Variants in NFYB observed in about 807,000 individuals in gnomAD.
The protein encoded by NFYB is CAAT box DNA-binding protein subunit B.
In NFYB, 13 loss-of-function variants were observed where a neutral mutation model predicts 28.0. The observed-to-expected ratio is 0.46, with a 90% CI of 0.30 to 0.74. The LOEUF (loss-of-function observed/expected upper bound fraction) is 0.74. Among genes scored for constraint, NFYB ranks in the 30% least tolerant of loss-of-function variants. The probability of loss-of-function intolerance (pLI) is 0.07; values close to 1 mark genes in which losing one functional copy is unlikely to be tolerated. For synonymous variants in NFYB, 74 were observed against 75.0 expected (o/e 0.99, Z 0.07); for missense variants, 142 against 247.6 (o/e 0.57, Z 2.86).
In NFYB at chr12:104,119,480, C is replaced by T; in HGVS notation, c.*257G>A. ...TGCAATATACAATGCATACAGGAGT[C>T]ATACAGAGCAACAAACTCTCGTACA... On this transcript the variant is annotated 3_prime_UTR_variant, in exon 8 of 8. Transcript: ENST00000240055. 2.8e-6 allele frequency: 1 copy of T among 360,570 alleles called. No homozygotes were observed. Among genetic ancestry groups the T allele is most frequent in the Non-Finnish European group, 5.1e-6 (1 of 196,504 alleles). 22.3% of individuals were successfully genotyped at this position (360,570 alleles called of 1,614,324 possible).
At position 104,118,925 on chromosome 12, in the gene NFYB, TG is replaced by T. The variant is rs1242985347; in HGVS notation, c.*811del. The stretch of plus-strand genomic sequence containing the variant: ...TACTATAGTACTTGAAGATATGATT[TG>T]AAAAAAAATCATGTACCAAATGAAA... On this transcript the variant is annotated 3_prime_UTR_variant, in exon 8 of 8. Transcript: ENST00000240055. The T allele has an allele frequency of 6.6e-6, 1 of 152,066 alleles. No homozygotes were observed. The highest frequency in any genetic ancestry group is 1.5e-5 in the Non-Finnish European group (1 of 68,010). 9.4% of individuals were successfully genotyped at this position (152,066 alleles called of 1,614,324 possible). A position where few individuals can be genotyped will look rare whatever the true frequency, so the allele number is the denominator to read the frequency against.
chr12:104,123,456 C>T, intron 4 of NFYB, 33 bp from the exon 5 acceptor site: 1 of 1,577,718 alleles, frequency 6.3e-7, no homozygotes, highest in South Asian at 1.1e-5. Flanking sequence ...ATTACAGAAA[C>T]TATAACCATC....
rs189223964 is a variant in NFYB at position 104,135,548 on chromosome 12, C to A, written c.-79-16G>T. ...TGATTTCAACCTAAAAGATAAACAT[C>A]TATTAGGACCTAACATCTATCAATA... On this transcript the variant is annotated splice_polypyrimidine_tract_variant and intron_variant, in intron 1 of 7. Coordinates refer to ENST00000240055, the MANE Select transcript of NFYB (RefSeq NM_006166.4). 1.9e-6 allele frequency: 2 copies of A among 1,074,798 alleles called. No individual in the cohort carries two copies. Among genetic ancestry groups the A allele is most frequent in the African/African-American group, 1.6e-5 (1 of 61,742 alleles). 66.6% of individuals were successfully genotyped at this position (1,074,798 alleles called of 1,614,324 possible). A position where few individuals can be genotyped will look rare whatever the true frequency, so the allele number is the denominator to read the frequency against.
At chr12:104,120,577 G>T in intron 6 of NFYB, 98 bp from the exon 7 acceptor site, 1 of 802,252 alleles carries the variant, frequency 1.2e-6, no homozygotes, top group Non-Finnish European at 2.1e-6. Context: ...TTACAATTCT[G>T]CCCGGTATCA....
intron 1 of NFYB, among the ~76,000 whole-genome samples, chr12:104,135,955 T>C (rs1429764823): frequency 3.3e-5 from 5 of 152,248 alleles, no homozygotes; most frequent in Admixed American, 1.3e-4. Context: ...TTTTTGGTGA[T>C]GGTTTTCTTA....
intron 3 of NFYB, 147 bp downstream of exon 3, chr12:104,128,277 C>T (rs2030794791): frequency 6.5e-6 from 3 of 464,448 alleles, no homozygotes; most frequent in Non-Finnish European, 1.1e-5. Flanking sequence ...GCATGGTACG[C>T]CTTTTTAGAC....
intron 2 of NFYB, among the ~76,000 whole-genome samples, chr12:104,132,241 T>A (rs896000168): frequency 6.6e-6 from 1 of 151,620 alleles, no homozygotes; most frequent in African/African-American, 2.4e-5. Context: ...TAAACAGAAA[T>A]CAGTCAGGCA....
At chr12:104,131,139 C>T (rs1044789992) in intron 2 of NFYB, 2 of 152,152 alleles carry the variant, frequency 1.3e-5, no homozygotes, top group Admixed American at 6.5e-5. Flanking sequence ...CTGGAATTAG[C>T]AACATGATTA....
chr12:104,137,564 CCT>C (rs1032695871), intron 1 of NFYB: 12 of 152,432 alleles, frequency 7.9e-5, no homozygotes, highest in Non-Finnish European at 1.3e-4. Flanking sequence ...GAGCGCATCC[CCT>C]GACTCGCCCG....
intron 4 of NFYB, among the ~76,000 whole-genome samples, chr12:104,124,872 T>G (rs987739616): frequency 2.0e-5 from 3 of 152,158 alleles, no homozygotes; most frequent in Non-Finnish European, 4.4e-5. Flanking sequence ...AGGACAAAAT[T>G]CTCAAACTGT....
At position 104,120,409 on chromosome 12, in the gene NFYB, T is replaced by C. The variant is rs970778824; in HGVS notation, c.582A>G (p.Ser194=). ...ATACAAAGGACTGTACCTGTTGATATGATGTTGTGTAAACCATAACATTTT... is the reference window on the plus strand; with the variant it reads ...ATACAAAGGACTGTACCTGTTGATACGATGTTGTGTAAACCATAACATTTT... ...QQQNVMVYTT[S]YQQISGVQQI... Residue 194 remains serine, a synonymous_variant, in exon 7 of 8, where the codon TCA becomes TCG. Transcript: ENST00000240055. The C allele has an allele frequency of 6.2e-6, 10 of 1,612,112 alleles. No individual in the cohort carries two copies. In the East Asian group the frequency reaches 6.7e-5, roughly 11 times the overall value.
intron 1 of NFYB, chr12:104,137,707 C>T (rs2031164563): frequency 6.7e-6 from 1 of 148,228 alleles, no homozygotes; most frequent in African/African-American, 2.4e-5. Flanking sequence ...GGACTCGCGC[C>T]GCCGCCGGGG....
chr12:104,130,986 T>C (rs2030902197), intron 2 of NFYB: 1 of 152,182 alleles, frequency 6.6e-6, no homozygotes, highest in South Asian at 2.1e-4. Context: ...GTTTACATGA[T>C]ACCATTAAGT....
chr12:104,134,401 G>A (rs893147637), intron 2 of NFYB, among the ~76,000 whole-genome samples: 1 of 152,106 alleles, frequency 6.6e-6, no homozygotes, highest in Middle Eastern at 3.2e-3. Flanking sequence ...ATTCTACTAA[G>A]AAGAATACCA....
intron 2 of NFYB, among the ~76,000 whole-genome samples, chr12:104,130,806 G>A (rs1165966578): frequency 1.3e-5 from 2 of 152,026 alleles, no homozygotes; most frequent in African/African-American, 4.8e-5. Context: ...GATCAATTAT[G>A]ATACCTGTGA....
intron 2 of NFYB, among the ~76,000 whole-genome samples, chr12:104,133,656 C>G (rs150760610): frequency 1.3e-5 from 2 of 152,188 alleles, no homozygotes; most frequent in Non-Finnish European, 2.9e-5. Flanking sequence ...CCCTCAAATA[C>G]GGTTCTCATT....
intron 2 of NFYB, among the ~76,000 whole-genome samples, chr12:104,135,050 G>A (rs1387089792): frequency 1.3e-5 from 2 of 152,104 alleles, no homozygotes; most frequent in African/African-American, 4.8e-5. Flanking sequence ...CTATTTCAAG[G>A]CTCAGTTCAA....
chr12:104,128,730 G>C (rs984065031), intron 2 of NFYB: 1 of 247,398 alleles, frequency 4.0e-6, no homozygotes, highest in African/African-American at 2.3e-5. Flanking sequence ...GCAGTGGCGT[G>C]ATCACAGCTC....
chr12:104,134,067 T>C (rs1272284288), intron 2 of NFYB, among the ~76,000 whole-genome samples: 1 of 152,204 alleles, frequency 6.6e-6, no homozygotes, highest in Non-Finnish European at 1.5e-5. Flanking sequence ...TGCTGGCTAC[T>C]ACTCGCCACA....
Sources: allele counts gnomAD v4.1 joint callset (sites outside exome capture counted in the v4.1 genomes callset), GRCh38; gene constraint gnomAD v4.1.1; transcripts MANE v1.5; gene names NCBI Gene and HGNC (gene_info 2026-07-23, HGNC 2026-07-21).